Variants in DEPDC5 observed in about 807,000 individuals in gnomAD.
The protein encoded by DEPDC5 is GATOR1 complex protein DEPDC5.
A neutral mutation model predicts 217.3 loss-of-function variants in DEPDC5; 73 were observed. The observed-to-expected ratio is 0.34, with a 90% CI of 0.28 to 0.41. DEPDC5 has a LOEUF of 0.41. Among genes scored for constraint, DEPDC5 ranks in the 10% least tolerant of loss-of-function variants. The probability of loss-of-function intolerance (pLI) is 1.00; values close to 1 mark genes in which losing one functional copy is unlikely to be tolerated. For missense variants in DEPDC5, 1,675 were observed against 2,070.1 expected, an observed-to-expected ratio of 0.81 and a Z score of 3.70; for synonymous variants, 733 against 756.7, an observed-to-expected ratio of 0.97 and a Z score of 0.51.
At chr22:31,852,745 T>C (rs1223271543) in intron 31 of DEPDC5, among the ~76,000 whole-genome samples, 1 of 152,244 alleles carries the variant, frequency 6.6e-6, no homozygotes, top group Non-Finnish European at 1.5e-5. Flanking sequence ...AACAAAACCA[T>C]GGTATTATAA....
intron 10 of DEPDC5, among the ~76,000 whole-genome samples, chr22:31,790,839 T>C (rs114737032): frequency 0.026 from 3,772 of 147,302 alleles, 59 homozygotes; most frequent in African/African-American, 0.042. Context: ...CTCCACCCCC[T>C]GGGTTCAAGT....
chr22:31,899,873 C>T (rs888169662), intron 40 of DEPDC5, among the ~76,000 whole-genome samples: 1 of 152,138 alleles, frequency 6.6e-6, no homozygotes, highest in Admixed American at 6.6e-5. Context: ...TGCTGTGCGA[C>T]AGCCTTCCCC....
chr22:31,768,756 C>T (rs2083047711), intron 6 of DEPDC5, 58 bp from the exon 7 acceptor site: 1 of 1,429,018 alleles, frequency 7.0e-7, no homozygotes, highest in Non-Finnish European at 9.7e-7. Context: ...ATCTCTCTCT[C>T]TTTCTCACCC....
chr22:31,859,853 C>T (rs1208073463), intron 32 of DEPDC5, among the ~76,000 whole-genome samples: 1 of 152,180 alleles, frequency 6.6e-6, no homozygotes, highest in African/African-American at 2.4e-5. Context: ...GTCTTTTCAC[C>T]TGAACTCCTT....
At chr22:31,874,119 C>A in intron 35 of DEPDC5, 154 bp from the exon 36 acceptor site, 1 of 1,215,020 alleles carries the variant, frequency 8.2e-7, no homozygotes, top group Non-Finnish European at 1.1e-6. Context: ...TTTGTCCTCT[C>A]ATGGGTGTTT....
chr22:31,762,011 A>T (rs940640185), intron 4 of DEPDC5, among the ~76,000 whole-genome samples: 1 of 150,738 alleles, frequency 6.6e-6, no homozygotes, highest in African/African-American at 2.4e-5. Flanking sequence ...CCTGTTGCCC[A>T]GGTTGGTCTT....
rs577369108 is a variant in DEPDC5, at chr22:31,783,224, C to T, written c.484-683C>T. ...AGGGAATAAAAGCTGGCCACCCCAGCCAGCAGCGGCAGCCCAGGTCCCCTT... is the reference window on the plus strand; with the variant it reads ...AGGGAATAAAAGCTGGCCACCCCAGTCAGCAGCGGCAGCCCAGGTCCCCTT... On this transcript the variant is annotated intron_variant, in intron 8 of 42. Transcript: ENST00000651528. 3.3e-5 allele frequency among the ~76,000 whole-genome samples: 5 copies of T among 152,294 alleles called. No individual in the cohort carries two copies. The East Asian group carries it at 9.6e-4, about 29-fold the overall frequency.
rs118001924 is a variant in DEPDC5 at position 31,843,753 on chromosome 22, G to A, written c.2742G>A (p.Glu914=). ...TGGAATTCTCCCACGAACGGCTGGA[G>A]GAGTACAAGTGGAATTACTTAGATC... ...CWVEFSHERL[E]EYKWNYLDQY... The change falls in exon 29 of 43, where the codon GAG becomes GAA. Residue 914 remains glutamate, a synonymous_variant. Coordinates refer to ENST00000651528, the MANE Select transcript of DEPDC5 (RefSeq NM_001242896.3). 21,578 of 1,614,024 alleles carry A rather than the reference G, an allele frequency of 0.013. 191 individuals carry two copies. Among genetic ancestry groups the A allele is most frequent in the Middle Eastern group, 0.019 (117 of 6,054 alleles).
At position 31,907,872 on chromosome 22, in the gene DEPDC5, G is replaced by T. The variant is rs1002409188; in HGVS notation, c.*1375G>T. 1.3e-5 allele frequency: 2 copies of T among 152,182 alleles called. No individual in the cohort carries two copies. Among genetic ancestry groups the T allele is most frequent in the Admixed American group, 1.3e-4 (2 of 15,270 alleles). The allele number at this position is 152,182 out of a possible 1,614,324, so 9.4% of individuals were successfully genotyped here. Reference sequence around the variant, plus strand: ...AGCTCTGTTGATTTGCCTCCTCAATGGCTTTGCATCCATTCTCTTCTTCCC... The same window carrying T: ...AGCTCTGTTGATTTGCCTCCTCAATTGCTTTGCATCCATTCTCTTCTTCCC... On this transcript the variant is annotated 3_prime_UTR_variant, in exon 43 of 43. Transcript: ENST00000651528.
intron 37 of DEPDC5, among the ~76,000 whole-genome samples, chr22:31,878,102 A>G (rs2093055840): frequency 6.6e-6 from 1 of 150,912 alleles, no homozygotes; most frequent in African/African-American, 2.4e-5. Flanking sequence ...CAGGAGAATC[A>G]CTTGAACCTG....
rs1381724777 is a variant in DEPDC5, at chr22:31,845,177, C to A, written c.2961C>A (p.Val987=). The A allele has an allele frequency of 3.1e-6, 5 of 1,614,168 alleles. No individual in the cohort carries two copies. In the Admixed American group the frequency reaches 8.3e-5, roughly 27 times the overall value. The change falls in exon 30 of 43, where the codon GTC becomes GTA. Residue 987 remains valine, a synonymous_variant. Coordinates refer to ENST00000651528, the MANE Select transcript of DEPDC5 (RefSeq NM_001242896.3). ...AGTGGCAACTCCTGGATGGTTTTGTCCGCTTTGTGGAGGGCTTGAATCGCA... is the reference window on the plus strand; with the variant it reads ...AGTGGCAACTCCTGGATGGTTTTGTACGCTTTGTGGAGGGCTTGAATCGCA... ...EDEWQLLDGF[V]RFVEGLNRIR...
chr22:31,849,199 G>A (rs1047257312), intron 31 of DEPDC5, among the ~76,000 whole-genome samples: 2 of 152,064 alleles, frequency 1.3e-5, no homozygotes, highest in Non-Finnish European at 2.9e-5. Flanking sequence ...ACCTTTGCCT[G>A]TTACCCAATT....
chr22:31,833,909 C>G lies in DEPDC5; in HGVS notation c.2105-6C>G, dbSNP rs1174444934. Reference sequence around the variant, plus strand: ...CTTAAGACAAGCTGTTTTTATCTTTCCATAGGTATGAATCCTAGGACCCAG... The same window carrying G: ...CTTAAGACAAGCTGTTTTTATCTTTGCATAGGTATGAATCCTAGGACCCAG... On this transcript the variant is annotated splice_region_variant and splice_polypyrimidine_tract_variant and intron_variant, in intron 24 of 42. Coordinates refer to ENST00000651528, the MANE Select transcript of DEPDC5 (RefSeq NM_001242896.3). 1 of 1,556,150 alleles carries G rather than the reference C, an allele frequency of 6.4e-7. No homozygotes were observed. The highest frequency in any genetic ancestry group is 2.3e-5 in the East Asian group (1 of 44,284).
Position 31,810,752 on chromosome 22 carries a change from T to TGTTTC in DEPDC5, c.1445+116_1445+120dup, listed in dbSNP as rs2088200595. ...TTGAAAATCTTGTTTTGTTTTGTTT[T>TGTTTC]GTTTCGTTTTGGTTTTTTGTTTGTT... On this transcript the variant is annotated intron_variant, in intron 20 of 42. Transcript: ENST00000651528. 5 of 1,520,082 alleles carry TGTTTC rather than the reference T, an allele frequency of 3.3e-6. No homozygotes were observed. In the African/African-American group the frequency reaches 4.2e-5, roughly 13 times the overall value. 94.2% of individuals were successfully genotyped at this position (1,520,082 alleles called of 1,614,324 possible).
At chr22:31,810,341 A>G (rs1159375434) in intron 19 of DEPDC5, among the ~76,000 whole-genome samples, 180 bp from the exon 20 acceptor site, 1 of 152,128 alleles carries the variant, frequency 6.6e-6, no homozygotes, top group Non-Finnish European at 1.5e-5. Flanking sequence ...ATAGGTCGTT[A>G]TCCCATTTTT....
intron 7 of DEPDC5, among the ~76,000 whole-genome samples, chr22:31,771,170 T>TG: frequency 6.6e-6 from 1 of 152,338 alleles, no homozygotes; most frequent in Non-Finnish European, 1.5e-5. Context: ...GATTTTTTAA[T>TG]TAAGTCATCC....
intron 3 of DEPDC5, among the ~76,000 whole-genome samples, chr22:31,759,356 T>C (rs2082191628): frequency 7.8e-6 from 1 of 128,526 alleles, no homozygotes; most frequent in Non-Finnish European, 1.7e-5. Flanking sequence ...TACCGAGCCG[T>C]TTTTTTTGTT....
intron 18 of DEPDC5, among the ~76,000 whole-genome samples, chr22:31,807,478 C>G (rs1440292026): frequency 3.3e-5 from 5 of 152,214 alleles, no homozygotes; most frequent in African/African-American, 1.2e-4. Flanking sequence ...GTCTCCCAAG[C>G]TGGAGTGCAG....
intron 7 of DEPDC5, among the ~76,000 whole-genome samples, chr22:31,775,431 G>T (rs565196704): frequency 6.6e-6 from 1 of 152,150 alleles, no homozygotes; most frequent in South Asian, 2.1e-4. Flanking sequence ...ACCCACCTCG[G>T]CCTCCCAAAG....
Sources: allele counts gnomAD v4.1 joint callset (sites outside exome capture counted in the v4.1 genomes callset), GRCh38; gene constraint gnomAD v4.1.1; transcripts MANE v1.5; gene names NCBI Gene and HGNC (gene_info 2026-07-23, HGNC 2026-07-21).